MCM2: variants seen among roughly 807,000 people sequenced by gnomAD.
MCM2 encodes the protein minichromosome maintenance complex component 2, also known as DNA replication licensing factor MCM2.
MCM2 carries 49 observed loss-of-function variants against 86.4 expected under a neutral mutation model. The observed-to-expected ratio is 0.57, with a 90% CI of 0.45 to 0.72. The LOEUF is 0.72. MCM2 is among the 30% of genes least tolerant of loss of function. The probability of loss-of-function intolerance (pLI) is 0.00; values close to 1 mark genes in which losing one functional copy is unlikely to be tolerated. For synonymous variants in MCM2, 475 were observed against 484.6 expected, an observed-to-expected ratio of 0.98 and a Z score of 0.26; for missense variants, 1,038 against 1,259.9, an observed-to-expected ratio of 0.82 and a Z score of 2.67.
At chr3:127,598,793 C>CTT in intron 1 of MCM2, 63 of 369,796 alleles carry the variant, frequency 1.7e-4, no homozygotes, top group East Asian at 2.8e-4. Context: ...CTCCTTTAAA[C>CTT]TTTTTTTTTT....
At chr3:127,604,392 A>T in intron 2 of MCM2, 2 of 519,948 alleles carry the variant, frequency 3.8e-6, no homozygotes, top group South Asian at 6.5e-5. Context: ...ATTTCCTTCT[A>T]TTTTAAGGCT....
In MCM2 at chr3:127,606,026, G is replaced by A; in HGVS notation, c.674-92G>A. On this transcript the variant is annotated intron_variant, in intron 4 of 15. Coordinates refer to ENST00000265056, the MANE Select transcript of MCM2 (RefSeq NM_004526.4). This position sits in a 1 kb window ranked among gnomAD's most constrained non-coding sequence, Gnocchi z 4.2. ...TTCTAGGTCAAAATCAATGGTCGGG[G>A]TGGGTAGGCCTTGCTTCTCACACAG... 1 of 908,896 alleles carries A rather than the reference G, an allele frequency of 1.1e-6. No individual in the cohort carries two copies. The highest frequency in any genetic ancestry group is 1.8e-6 in the Non-Finnish European group (1 of 564,316). The allele number at this position is 908,896 out of a possible 1,614,324, so 56.3% of individuals were successfully genotyped here.
intron 2 of MCM2, among the ~76,000 whole-genome samples, chr3:127,600,662 C>T (rs946303885): frequency 1.3e-5 from 2 of 152,088 alleles, no homozygotes; most frequent in Non-Finnish European, 2.9e-5. Context: ...CTGCCCTGGA[C>T]TTGGGGTCAG....
Position 127,621,846 on chromosome 3 carries a change from C to G in MCM2, c.*73C>G. 8.8e-7 allele frequency: 1 copy of G among 1,137,104 alleles called. No homozygotes were observed. Among genetic ancestry groups the G allele is most frequent in the Non-Finnish European group, 1.3e-6 (1 of 770,436 alleles). 70.4% of individuals were successfully genotyped at this position (1,137,104 alleles called of 1,614,324 possible). A position where few individuals can be genotyped will look rare whatever the true frequency, so the allele number is the denominator to read the frequency against. On this transcript the variant is annotated 3_prime_UTR_variant, in exon 16 of 16. Coordinates refer to ENST00000265056, the MANE Select transcript of MCM2 (RefSeq NM_004526.4). ...GTCAGTGCCCTCTGTGCTTTATGGACACAAAACCAGAGCACTTGATGAACT... is the reference window on the plus strand; with the variant it reads ...GTCAGTGCCCTCTGTGCTTTATGGAGACAAAACCAGAGCACTTGATGAACT...
intron 9 of MCM2, among the ~76,000 whole-genome samples, chr3:127,616,416 T>TA (rs1467610348): frequency 6.6e-6 from 1 of 152,200 alleles, no homozygotes; most frequent in Non-Finnish European, 1.5e-5. Context: ...GTTTCATGAC[T>TA]ACACGTGTTT....
Position 127,605,027 on chromosome 3 carries a change from G to A in MCM2, c.544G>A (p.Val182Met). ...ENLEDLKGHS[V>M]REWVSMAGPR... is the part of the protein sequence containing the mutation. ...CCTGGAGGATCTCAAAGGCCACTCTGTGCGCGAGTGGGTGAGCATGGCGGG... is the reference window on the plus strand; with the variant it reads ...CCTGGAGGATCTCAAAGGCCACTCTATGCGCGAGTGGGTGAGCATGGCGGG... Residue 182 changes from valine (V) to methionine (M), a missense_variant, in exon 4 of 16, where the codon GTG becomes ATG. Transcript: ENST00000265056. 1 of 1,614,132 alleles carries A rather than the reference G, an allele frequency of 6.2e-7. No individual in the cohort carries two copies. The highest frequency in any genetic ancestry group is 8.5e-7 in the Non-Finnish European group (1 of 1,179,970).
Position 127,608,509 on chromosome 3 carries a change from A to G in MCM2, c.1229A>G (p.Asp410Gly). The part of the protein sequence containing the change: ...ADLVDSCKPG[D>G]EIELTGIYHN... Reference sequence around the variant, plus strand: ...CTGGTGGACAGCTGCAAGCCAGGAGACGAGATAGTAAGTGGCCGGGGCAGG... The same window carrying G: ...CTGGTGGACAGCTGCAAGCCAGGAGGCGAGATAGTAAGTGGCCGGGGCAGG... The change falls in exon 7 of 16, where the codon GAC becomes GGC. Residue 410 changes from aspartate (D) to glycine (G), a missense_variant. By Grantham distance (94) the Asp-to-Gly change is moderately conservative. Transcript: ENST00000265056. 1 of 1,614,124 alleles carries G rather than the reference A, an allele frequency of 6.2e-7. No individual in the cohort carries two copies. The highest frequency in any genetic ancestry group is 2.2e-5 in the East Asian group (1 of 44,880).
In MCM2 at chr3:127,606,110, C is replaced by G. The variant is rs2307317; in HGVS notation, c.674-8C>G. ...AGTTAACTCTCTTCCCACTGTGCCC[C>G]CTTCTAGAGAACCGTGAGAGCCTGG... On this transcript the variant is annotated splice_polypyrimidine_tract_variant and splice_region_variant and intron_variant, in intron 4 of 15. Coordinates refer to ENST00000265056, the MANE Select transcript of MCM2 (RefSeq NM_004526.4). The surrounding 1 kb of genome is among the most constrained non-coding windows in gnomAD (Gnocchi z 4.2). 5.8e-4 allele frequency: 931 copies of G among 1,611,080 alleles called. 3 individuals carry two copies. In the African/African-American group the frequency reaches 0.01, roughly 18 times the overall value.
chr3:127,613,683 T>A (rs529837190), intron 8 of MCM2, among the ~76,000 whole-genome samples: 2 of 152,354 alleles, frequency 1.3e-5, no homozygotes, highest in African/African-American at 4.8e-5. Flanking sequence ...TTTAAAACAT[T>A]GTTACAGAAA....
intron 8 of MCM2, among the ~76,000 whole-genome samples, chr3:127,612,852 C>T (rs150315663): frequency 2.6e-5 from 4 of 152,266 alleles, no homozygotes; most frequent in African/African-American, 9.6e-5. Flanking sequence ...AGTCTTGCCT[C>T]TCCTCTAGGA....
intron 2 of MCM2, among the ~76,000 whole-genome samples, chr3:127,602,110 A>G (rs1398280448): frequency 6.7e-6 from 1 of 148,722 alleles, no homozygotes; most frequent in African/African-American, 2.5e-5. Flanking sequence ...CGTGGTTTTA[A>G]TGTTTTCTTT....
intron 8 of MCM2, among the ~76,000 whole-genome samples, chr3:127,614,989 A>T (rs2630213): frequency 0.53 from 81,028 of 152,032 alleles, 21,873 homozygotes; most frequent in East Asian, 0.63. Flanking sequence ...GATAGGAGTT[A>T]GAGACACCTC....
chr3:127,614,516 C>CT (rs2074420039), intron 8 of MCM2, among the ~76,000 whole-genome samples: 1 of 152,168 alleles, frequency 6.6e-6, no homozygotes, highest in South Asian at 2.1e-4. Context: ...GTGGAAGAAA[C>CT]TGGGTCATTT....
intron 8 of MCM2, among the ~76,000 whole-genome samples, chr3:127,609,308 G>A (rs1006745642): frequency 8.5e-5 from 13 of 152,182 alleles, no homozygotes; most frequent in Admixed American, 2.6e-4. Context: ...TGCTGAGGAC[G>A]GGGTTGCGAC....
In MCM2 at chr3:127,620,776, C is replaced by T; in HGVS notation, c.2344C>T (p.Leu782=). 6.2e-7 allele frequency: 1 copy of T among 1,614,152 alleles called. No individual in the cohort carries two copies. The highest frequency in any genetic ancestry group is 8.5e-7 in the Non-Finnish European group (1 of 1,179,970). The change falls in exon 14 of 16, where the codon CTG becomes TTG. Residue 782 remains leucine, a synonymous_variant. Transcript: ENST00000265056. ...GGCGGAGGCCCACGCGCGCATCCAT[C>T]TGCGGGACTATGTGATCGAAGACGA... ...RMAEAHARIH[L]RDYVIEDDVN... is the part of the protein sequence containing the mutation.
chr3:127,606,547 C>G lies in MCM2; in HGVS notation c.894-63C>G. The G allele has an allele frequency of 1.4e-5, 21 of 1,486,060 alleles. No individual in the cohort carries two copies. The highest frequency in any genetic ancestry group is 2.0e-5 in the Non-Finnish European group (21 of 1,068,866). 92.1% of individuals were successfully genotyped at this position (1,486,060 alleles called of 1,614,324 possible). ...ATTTCCAGGACAGTGTGTTGGGACA[C>G]TCTCGTCTGCAGCCTGGCCTCACCC... On this transcript the variant is annotated intron_variant, in intron 5 of 15. Transcript: ENST00000265056. The surrounding 1 kb of genome is among the most constrained non-coding windows in gnomAD (Gnocchi z 4.2).
rs111530425 is a variant in MCM2, at chr3:127,618,066, C to T, written c.1998C>T (p.Thr666=). The change falls in exon 12 of 16, where the codon ACC becomes ACT. Residue 666 remains threonine (T), a synonymous_variant. Coordinates refer to ENST00000265056, the MANE Select transcript of MCM2 (RefSeq NM_004526.4). The surrounding 1 kb of genome is among the most constrained non-coding windows in gnomAD (Gnocchi z 4.0). ...RFDILCVVRD[T]VDPVQDEMLA... ...ACATCCTGTGTGTGGTGAGGGACAC[C>T]GTGGACCCAGTCCAGGTATAGCTCA... 1.4e-4 allele frequency: 224 copies of T among 1,613,882 alleles called. 5 individuals are homozygous for T. The South Asian group carries it at 1.8e-3, about 13-fold the overall frequency.
intron 2 of MCM2, among the ~76,000 whole-genome samples, chr3:127,601,551 G>A (rs182333288): frequency 6.6e-6 from 1 of 152,012 alleles, no homozygotes; most frequent in African/African-American, 2.4e-5. Context: ...GTAGAGATGC[G>A]GTTTCGGTTT....
intron 13 of MCM2, 34 bp downstream of exon 13, chr3:127,619,312 C>A (rs761364578): frequency 1.9e-6 from 3 of 1,597,380 alleles, no homozygotes. Context: ...AGGTGCTATG[C>A]AGAGAAGGAA....
Sources: gnomAD v4.1 joint callset for allele counts (sites outside exome capture counted in the v4.1 genomes callset) on GRCh38, gnomAD v4.1.1 for gene constraint, Gnocchi (gnomAD v3.1) non-coding constraint, MANE v1.5 for transcripts, NCBI Gene and HGNC (gene_info 2026-07-23, HGNC 2026-07-21) for gene names.